ARNT2: variants seen among roughly 807,000 people sequenced by gnomAD.
The protein encoded by ARNT2 is aryl hydrocarbon receptor nuclear translocator 2.
A neutral mutation model predicts 91.7 loss-of-function variants in ARNT2; 36 were observed. The ratio of observed to expected loss-of-function variants is 0.39; its 90% CI spans 0.30 to 0.52. The LOEUF (loss-of-function observed/expected upper bound fraction) is 0.52. Among genes scored for constraint, ARNT2 ranks in the 20% least tolerant of loss-of-function variants. The probability of loss-of-function intolerance (pLI) is 0.72; values close to 1 mark genes in which losing one functional copy is unlikely to be tolerated. For missense variants in ARNT2, 775 were observed against 939.3 expected (o/e 0.83, Z 2.29); for synonymous variants, 365 against 347.1 (o/e 1.05, Z -0.57).
rs769089846 is a variant in ARNT2, at chr15:80,591,593, G to T, written c.1944G>T (p.Gln648His). The change falls in exon 18 of 19, where the codon CAG (glutamine) becomes CAT (histidine). Residue 648 changes from glutamine (Q) to histidine (H), a missense_variant. Coordinates refer to ENST00000303329, the MANE Select transcript of ARNT2 (RefSeq NM_014862.4). This position sits in a 1 kb window ranked among gnomAD's most constrained non-coding sequence, Gnocchi z 5.1. ...CTGAAAGTGGACAAAGTAGCGGGCA[G>T]TTCCAAGGGCGGCCCTCGGAAGTCT... ...GFAESGQSSG[Q>H]FQGRPSEVWS... The T allele has an allele frequency of 6.2e-7, 1 of 1,614,180 alleles. No individual in the cohort carries two copies. Among genetic ancestry groups the T allele is most frequent in the Admixed American group, 1.7e-5 (1 of 60,024 alleles).
intron 11 of ARNT2, among the ~76,000 whole-genome samples, chr15:80,559,606 G>A (rs1455586502): frequency 6.6e-6 from 1 of 152,214 alleles, no homozygotes; most frequent in Non-Finnish European, 1.5e-5. Flanking sequence ...ACTTGTTTGT[G>A]AGGAATTTGA....
rs970523812 is a variant in ARNT2, at chr15:80,524,673, G to C, written c.877+10268G>C. On this transcript the variant is annotated intron_variant, in intron 8 of 18. Coordinates refer to ENST00000303329, the MANE Select transcript of ARNT2 (RefSeq NM_014862.4). ...GGGCGATTCATGAGGTCAGCAGATC[G>C]AGACCATCCTGGCCAACATGGTGAA... is the stretch of plus-strand genomic sequence containing the variant. 4.6e-5 allele frequency among the ~76,000 whole-genome samples: 7 copies of C among 152,028 alleles called. No homozygotes were observed. In the South Asian group the frequency reaches 1.0e-3, roughly 23 times the overall value.
intron 2 of ARNT2, among the ~76,000 whole-genome samples, chr15:80,456,024 C>T (rs56387128): frequency 1.3e-5 from 2 of 152,106 alleles, no homozygotes; most frequent in Non-Finnish European, 1.5e-5. Context: ...TGCAGAACAC[C>T]GGGTGAATTT....
chr15:80,432,022 A>G (rs1323873724), intron 1 of ARNT2, among the ~76,000 whole-genome samples: 1 of 152,236 alleles, frequency 6.6e-6, no homozygotes, highest in Non-Finnish European at 1.5e-5. Context: ...AATGGAACTG[A>G]CCATGATCCT....
chr15:80,459,312 G>A (rs572785253), intron 3 of ARNT2, among the ~76,000 whole-genome samples: 5 of 152,264 alleles, frequency 3.3e-5, no homozygotes, highest in South Asian at 2.1e-4. Flanking sequence ...GTTTTCCCTC[G>A]GTGCAGACAG....
intron 5 of ARNT2, among the ~76,000 whole-genome samples, chr15:80,505,219 C>T (rs149868724): frequency 1.3e-5 from 2 of 152,234 alleles, no homozygotes; most frequent in African/African-American, 2.4e-5. Flanking sequence ...GAGTGACTGG[C>T]GTCACATAAA....
chr15:80,573,952 G>A, intron 12 of ARNT2, 196 bp from the exon 13 acceptor site: 1 of 565,872 alleles, frequency 1.8e-6, no homozygotes, highest in Non-Finnish European at 3.1e-6. Context: ...GTTGAGTTTG[G>A]TAGCCTAAAC....
chr15:80,476,615 A>G (rs1457420238), intron 5 of ARNT2, among the ~76,000 whole-genome samples: 1 of 152,204 alleles, frequency 6.6e-6, no homozygotes, highest in Non-Finnish European at 1.5e-5. Flanking sequence ...TGCTTTGCCC[A>G]TAGTAGGCCT....
At chr15:80,463,888 A>G (rs1270282571) in intron 3 of ARNT2, among the ~76,000 whole-genome samples, 2 of 152,176 alleles carry the variant, frequency 1.3e-5, no homozygotes, top group African/African-American at 4.8e-5. Flanking sequence ...TTCTTCATAC[A>G]AGATGTTTGG....
intron 5 of ARNT2, among the ~76,000 whole-genome samples, chr15:80,481,297 C>T (rs919681711): frequency 6.6e-6 from 1 of 152,232 alleles, no homozygotes; most frequent in Non-Finnish European, 1.5e-5. Flanking sequence ...TGCTCATATA[C>T]CTTTCATCAG....
At chr15:80,529,959 CTT>C (rs1221121312) in intron 8 of ARNT2, among the ~76,000 whole-genome samples, 2 of 152,216 alleles carry the variant, frequency 1.3e-5, no homozygotes, top group Non-Finnish European at 2.9e-5. Context: ...ATTATGTCCT[CTT>C]ATGTCACACT....
chr15:80,530,304 T>A (rs1490355781), intron 8 of ARNT2, among the ~76,000 whole-genome samples: 1 of 152,172 alleles, frequency 6.6e-6, no homozygotes, highest in Non-Finnish European at 1.5e-5. Context: ...GGTGGGAAGA[T>A]AACTAAAGTC....
At position 80,597,102 on chromosome 15, in the gene ARNT2, G is replaced by A. The variant is rs1567011951; in HGVS notation, c.*3404G>A. On this transcript the variant is annotated 3_prime_UTR_variant, in exon 19 of 19. Transcript: ENST00000303329. ...TTACACTGGGGAGCTTTACTCTTCC[G>A]TGTCAACAATGTGACTACATGTTCT... 49 of 516,948 alleles carry A rather than the reference G, an allele frequency of 9.5e-5. No individual in the cohort carries two copies. The highest frequency in any genetic ancestry group is 6.7e-4 in the South Asian group (48 of 71,410). The allele number at this position is 516,948 out of a possible 1,614,324, so 32.0% of individuals were successfully genotyped here. A position where few individuals can be genotyped will look rare whatever the true frequency, so the allele number is the denominator to read the frequency against.
chr15:80,566,243 G>A (rs867098414), intron 12 of ARNT2, among the ~76,000 whole-genome samples: 1 of 148,174 alleles, frequency 6.7e-6, no homozygotes, highest in African/African-American at 2.7e-5. Flanking sequence ...TAAATGCCCT[G>A]CCTGCCTTCT....
At chr15:80,541,205 C>G (rs1164517140) in intron 8 of ARNT2, among the ~76,000 whole-genome samples, 4 of 152,120 alleles carry the variant, frequency 2.6e-5, no homozygotes, top group Non-Finnish European at 5.9e-5. Flanking sequence ...GATGGTATCT[C>G]TGCGGTTTTG....
chr15:80,571,171 G>C (rs1456907145), intron 12 of ARNT2, among the ~76,000 whole-genome samples: 1 of 152,206 alleles, frequency 6.6e-6, no homozygotes, highest in Non-Finnish European at 1.5e-5. Context: ...CTTTTTATAA[G>C]TATTTCTGTC....
At chr15:80,514,288 A>G (rs1464869805) in intron 7 of ARNT2, 32 bp from the exon 8 acceptor site, 7 of 1,610,404 alleles carry the variant, frequency 4.3e-6, no homozygotes, top group East Asian at 2.2e-5. Context: ...CCCTCATGTG[A>G]TGAAAACAAT....
intron 15 of ARNT2, among the ~76,000 whole-genome samples, chr15:80,579,625 G>A (rs1441571463): frequency 6.6e-6 from 1 of 152,154 alleles, no homozygotes; most frequent in Non-Finnish European, 1.5e-5. Flanking sequence ...GTCCCAGGGA[G>A]GCAGGAGGAG....
At position 80,404,938 on chromosome 15, in the gene ARNT2, G is replaced by C. The variant is rs1263118111; in HGVS notation, c.31+392G>C. Among the ~76,000 whole-genome samples the C allele has an allele frequency of 1.3e-5, 2 of 152,220 alleles. No individual in the cohort carries two copies. Among genetic ancestry groups the C allele is most frequent in the African/African-American group, 2.4e-5 (1 of 41,462 alleles). On this transcript the variant is annotated intron_variant, in intron 1 of 18. Coordinates refer to ENST00000303329, the MANE Select transcript of ARNT2 (RefSeq NM_014862.4). The surrounding 1 kb of genome is among the most constrained non-coding windows in gnomAD (Gnocchi z 5.5). ...CGTCAGCCAGTCCTGGCTGGTGGAG[G>C]GCTCCGCGCTGACGGAGGGAAAAGT...
Sources: gnomAD v4.1 joint callset for allele counts (sites outside exome capture counted in the v4.1 genomes callset) on GRCh38, gnomAD v4.1.1 for gene constraint, Gnocchi (gnomAD v3.1) non-coding constraint, MANE v1.5 for transcripts, NCBI Gene and HGNC (gene_info 2026-07-23, HGNC 2026-07-21) for gene names.